CLIC2: variants seen among roughly 807,000 people sequenced by gnomAD.
The protein encoded by CLIC2 is chloride intracellular channel protein 2.
CLIC2 carries 9 observed loss-of-function variants against 14.8 expected under a neutral mutation model. The ratio of observed to expected loss-of-function variants is 0.61; its 90% CI spans 0.37 to 1.06. The LOEUF (loss-of-function observed/expected upper bound fraction) is 1.06. CLIC2 is among the 50% of genes least tolerant of loss of function. The pLI is 0.01. For synonymous variants in CLIC2, 61 were observed against 66.3 expected, an observed-to-expected ratio of 0.92 and a Z score of 0.39; for missense variants, 148 against 181.4, an observed-to-expected ratio of 0.82 and a Z score of 1.06.
intron 2 of CLIC2, 60 bp from the exon 3 acceptor site, chrX:155,298,970 A>G: frequency 1.7e-6 from 2 of 1,172,607 alleles, no homozygotes; most frequent in African/African-American, 3.5e-5. Context: ...TTAAATAAAC[A>G]CCAATATTTT....
chrX:155,309,056 A>G (rs782236732), intron 1 of CLIC2, among the ~76,000 whole-genome samples: 19 of 112,457 alleles, frequency 1.7e-4, no homozygotes, highest in African/African-American at 5.8e-4. Context: ...CTAAATGATG[A>G]ACCAATCAAA....
chrX:155,287,299 T>A (rs1394608752), intron 3 of CLIC2, among the ~76,000 whole-genome samples: 1 of 111,780 alleles, frequency 8.9e-6, no homozygotes, highest in Non-Finnish European at 1.9e-5. Context: ...CTCTATTATG[T>A]CCCATTGGTC....
chrX:155,308,875 T>C (rs1297248814), intron 1 of CLIC2, among the ~76,000 whole-genome samples: 1 of 111,363 alleles, frequency 9.0e-6, no homozygotes, highest in African/African-American at 3.3e-5. Flanking sequence ...TGAGGGCTTT[T>C]TATCAACACC....
chrX:155,293,496 CAAGA>C lies in CLIC2; in HGVS notation c.293+5285_293+5288del. On this transcript the variant is annotated intron_variant, in intron 3 of 5. Coordinates refer to ENST00000369449, the MANE Select transcript of CLIC2 (RefSeq NM_001289.6). ...ACCACCAAACTGTAATGATAAATGACAAGAGAGAGAGAAAAAAAACAAAGAATAT... is the reference window on the plus strand; with the variant it reads ...ACCACCAAACTGTAATGATAAATGACGAGAGAGAAAAAAAACAAAGAATAT... 3 of 478,752 alleles carry C rather than the reference CAAGA, an allele frequency of 6.3e-6. No individual in the cohort carries two copies. In the South Asian group the frequency reaches 9.4e-5, roughly 15 times the overall value. The allele number at this position is 478,752 out of a possible 1,213,427, so 39.5% of individuals were successfully genotyped here.
intron 1 of CLIC2, among the ~76,000 whole-genome samples, chrX:155,326,600 A>T (rs935884148): frequency 1.8e-5 from 2 of 112,061 alleles, no homozygotes; most frequent in Non-Finnish European, 3.8e-5. Context: ...CAGAGAAATG[A>T]AAACTTATGT....
At chrX:155,326,678 C>A (rs894144919) in intron 1 of CLIC2, among the ~76,000 whole-genome samples, 2 of 111,208 alleles carry the variant, frequency 1.8e-5, no homozygotes, top group African/African-American at 3.3e-5. Flanking sequence ...TAGTGACAAC[C>A]AAAATGTCCT....
chrX:155,281,089 G>A (rs782238319), intron 3 of CLIC2, among the ~76,000 whole-genome samples: 3 of 107,127 alleles, frequency 2.8e-5, no homozygotes, highest in South Asian at 4.3e-4. Flanking sequence ...CCTGGAGGAC[G>A]TTATGTTAAG....
chrX:155,287,035 C>G (rs2074945331), intron 3 of CLIC2, among the ~76,000 whole-genome samples: 1 of 112,433 alleles, frequency 8.9e-6, no homozygotes, highest in African/African-American at 3.2e-5. Context: ...GTCATGAAAT[C>G]TTTGCCTGTT....
At chrX:155,300,039 G>A (rs1459626055) in intron 1 of CLIC2, among the ~76,000 whole-genome samples, 1 of 108,798 alleles carries the variant, frequency 9.2e-6, no homozygotes, top group Non-Finnish European at 1.9e-5. Context: ...ATAAACATAC[G>A]TGTGCATGTG....
At chrX:155,322,649 G>A (rs1170682817) in intron 1 of CLIC2, among the ~76,000 whole-genome samples, 3 of 111,388 alleles carry the variant, frequency 2.7e-5, no homozygotes, top group African/African-American at 9.8e-5. Context: ...AAGAACTAGA[G>A]AAGCAAGAGC....
intron 3 of CLIC2, among the ~76,000 whole-genome samples, chrX:155,285,406 C>T (rs73574819): frequency 1.4e-3 from 155 of 111,733 alleles, no homozygotes; most frequent in African/African-American, 4.9e-3. Context: ...AGATATTGCA[C>T]ATCATCCAAA....
At chrX:155,299,807 A>G (rs1175231956) in intron 1 of CLIC2, among the ~76,000 whole-genome samples, 68 of 92,132 alleles carry the variant, frequency 7.4e-4, no homozygotes, top group Non-Finnish European at 8.5e-4. Flanking sequence ...ATTCCCACCT[A>G]TGAGTGAGAA....
intron 1 of CLIC2, among the ~76,000 whole-genome samples, chrX:155,330,987 AT>A (rs1322301637): frequency 9.0e-6 from 1 of 111,230 alleles, no homozygotes. Flanking sequence ...CAAAATTTCA[AT>A]TTTTTGACAA....
chrX:155,283,691 C>T (rs782776701), intron 3 of CLIC2, among the ~76,000 whole-genome samples: 12 of 110,122 alleles, frequency 1.1e-4, no homozygotes, highest in East Asian at 5.7e-4. Context: ...TGTTTCCTCA[C>T]ATGCCTCAGT....
Position 155,307,683 on chromosome X carries a change from G to A in CLIC2, c.58-8538C>T, listed in dbSNP as rs781882980. ...GCAGATCACTTGAGGTCAGGGGTTC[G>A]AGACCAGCCTGAGCAACATGATGAA... On this transcript the variant is annotated intron_variant, in intron 1 of 5. Transcript: ENST00000369449. 3.6e-5 allele frequency among the ~76,000 whole-genome samples: 4 copies of A among 110,878 alleles called. No individual in the cohort carries two copies. In the South Asian group the frequency reaches 1.2e-3, roughly 32 times the overall value.
chrX:155,328,393 A>G (rs1333615756), intron 1 of CLIC2, among the ~76,000 whole-genome samples: 1 of 111,502 alleles, frequency 9.0e-6, no homozygotes, highest in Non-Finnish European at 1.9e-5. Context: ...CAAGAAAGTA[A>G]TTCCATTTGC....
At chrX:155,309,855 G>T (rs1237091032) in intron 1 of CLIC2, among the ~76,000 whole-genome samples, 4 of 111,284 alleles carry the variant, frequency 3.6e-5, no homozygotes, top group African/African-American at 1.3e-4. Flanking sequence ...TTCTGCCCCT[G>T]GCCCCTCCCA....
intron 1 of CLIC2, among the ~76,000 whole-genome samples, chrX:155,319,004 C>T (rs2075104200): frequency 1.8e-5 from 2 of 111,740 alleles, no homozygotes; most frequent in African/African-American, 6.5e-5. Flanking sequence ...AATTGGCAAG[C>T]CACATGTAGA....
intron 3 of CLIC2, among the ~76,000 whole-genome samples, chrX:155,283,402 G>A (rs782364477): frequency 4.5e-5 from 5 of 111,352 alleles, no homozygotes; most frequent in South Asian, 7.5e-4. Context: ...ATGTATGATC[G>A]TATTTCTTCT....
Sources: gnomAD v4.1 joint callset for allele counts (sites outside exome capture counted in the v4.1 genomes callset) on GRCh38, gnomAD v4.1.1 for gene constraint, MANE v1.5 for transcripts, NCBI Gene and HGNC (gene_info 2026-07-23, HGNC 2026-07-21) for gene names.